The following CSGALNACT1 variants were observed in gnomAD, a reference collection of about 807,000 sequenced individuals.
CSGALNACT1 encodes the protein chondroitin sulfate N-acetylgalactosaminyltransferase 1.
In CSGALNACT1, 52 loss-of-function variants were observed where a neutral mutation model predicts 51.0. The observed-to-expected ratio is 1.02, with a 90% CI of 0.82 to 1.29. The LOEUF (loss-of-function observed/expected upper bound fraction) is 1.29, where lower values mean the gene tolerates loss of function less well. Among genes scored for constraint, CSGALNACT1 ranks in the 50% most tolerant of loss-of-function variants. CSGALNACT1 has a pLI of 0.00. For missense variants in CSGALNACT1, 935 were observed against 679.2 expected, an observed-to-expected ratio of 1.38 and a Z score of -4.19; for synonymous variants, 341 against 254.4, an observed-to-expected ratio of 1.34 and a Z score of -3.24.
chr8:19,720,708 T>C (rs923006328), intron 1 of CSGALNACT1, among the ~76,000 whole-genome samples: 1 of 152,164 alleles, frequency 6.6e-6, no homozygotes, highest in Non-Finnish European at 1.5e-5. Flanking sequence ...ACTTGCTTGT[T>C]CTCAGAGCCC....
chr8:19,470,643 T>C (rs572429042), intron 4 of CSGALNACT1, among the ~76,000 whole-genome samples: 1 of 151,950 alleles, frequency 6.6e-6, no homozygotes, highest in African/African-American at 2.4e-5. Context: ...CCTAGAAATG[T>C]AAGGGGATGA....
chr8:19,726,241 T>C (rs995033381), intron 1 of CSGALNACT1, among the ~76,000 whole-genome samples: 1 of 152,158 alleles, frequency 6.6e-6, no homozygotes, highest in African/African-American at 2.4e-5. Flanking sequence ...TTTAAAACAA[T>C]AATATATAGA....
chr8:19,488,396 T>TAC lies in CSGALNACT1; in HGVS notation c.634+16804_634+16805insGT, dbSNP rs1323778280. Among the ~76,000 whole-genome samples, 23 of 94,838 alleles carry TAC rather than the reference T, an allele frequency of 2.4e-4. No homozygotes were observed. The South Asian group carries it at 7.1e-3, about 29-fold the overall frequency. The allele number at this position is 94,838 out of a possible 152,430, so 62.2% of individuals were successfully genotyped here. ...ATATATATATATATATATATATATA[T>TAC]ATATATATATATATATATAGTTAGA... On this transcript the variant is annotated intron_variant, in intron 4 of 9. Coordinates refer to ENST00000454498, the Ensembl canonical transcript of CSGALNACT1.
chr8:19,493,199 C>T (rs2074753334), intron 4 of CSGALNACT1, among the ~76,000 whole-genome samples: 1 of 152,210 alleles, frequency 6.6e-6, no homozygotes, highest in East Asian at 1.9e-4. Flanking sequence ...CTCCCCCAAC[C>T]TTCTATTTCA....
intron 4 of CSGALNACT1, among the ~76,000 whole-genome samples, chr8:19,468,929 A>G (rs974786441): frequency 3.9e-5 from 6 of 152,142 alleles, no homozygotes; most frequent in African/African-American, 1.4e-4. Flanking sequence ...GGATATGCCA[A>G]ACCTTCAGGT....
intron 3 of CSGALNACT1, among the ~76,000 whole-genome samples, chr8:19,536,460 C>T (rs10095053): frequency 0.095 from 14,488 of 152,006 alleles, 730 homozygotes; most frequent in South Asian, 0.14. Context: ...ATAAATCTAA[C>T]AAGATATGTA....
chr8:19,621,039 A>T (rs2053760800), intron 1 of CSGALNACT1, among the ~76,000 whole-genome samples: 1 of 152,222 alleles, frequency 6.6e-6, no homozygotes, highest in South Asian at 2.1e-4. Flanking sequence ...CATTTTTACG[A>T]AAATGAAAAA....
At chr8:19,563,577 A>T (rs896068100) in intron 3 of CSGALNACT1, among the ~76,000 whole-genome samples, 1 of 152,142 alleles carries the variant, frequency 6.6e-6, no homozygotes, top group Non-Finnish European at 1.5e-5. Flanking sequence ...TCTGATGGTC[A>T]CCATCACCGC....
chr8:19,582,528 A>C (rs2045796333), intron 3 of CSGALNACT1, among the ~76,000 whole-genome samples: 1 of 152,166 alleles, frequency 6.6e-6, no homozygotes, highest in Admixed American at 6.5e-5. Flanking sequence ...GATACACATG[A>C]CTAAGAGCTG....
At chr8:19,410,202 T>C (rs1489116028) in intron 8 of CSGALNACT1, among the ~76,000 whole-genome samples, 2 of 152,194 alleles carry the variant, frequency 1.3e-5, no homozygotes, top group Non-Finnish European at 2.9e-5. Context: ...TTTCTGTTGC[T>C]TAAAGTTGTC....
intron 1 of CSGALNACT1, among the ~76,000 whole-genome samples, chr8:19,637,396 A>G (rs913929265): frequency 1.3e-5 from 2 of 152,184 alleles, no homozygotes; most frequent in South Asian, 2.1e-4. Context: ...ACTTGGGAAG[A>G]TTTTTATTTT....
At chr8:19,621,358 A>C (rs1368131987) in intron 1 of CSGALNACT1, among the ~76,000 whole-genome samples, 1 of 152,204 alleles carries the variant, frequency 6.6e-6, no homozygotes, top group East Asian at 1.9e-4. Context: ...ACACATCCTA[A>C]ATTTCATATA....
chr8:19,591,036 C>G (rs748284191), intron 3 of CSGALNACT1: 3 of 152,162 alleles, frequency 2.0e-5, no homozygotes, highest in African/African-American at 7.2e-5. Context: ...GCACCGTGAA[C>G]CAAGAACGGT....
chr8:19,674,447 G>A (rs568828925), intron 1 of CSGALNACT1, among the ~76,000 whole-genome samples: 1 of 152,250 alleles, frequency 6.6e-6, no homozygotes, highest in African/African-American at 2.4e-5. Flanking sequence ...ACGGAAGAAG[G>A]AAAAAGACCC....
intron 1 of CSGALNACT1, among the ~76,000 whole-genome samples, chr8:19,693,248 A>C (rs1263082061): frequency 6.6e-6 from 1 of 151,972 alleles, no homozygotes. Flanking sequence ...TATCTCCAGC[A>C]GTGGCCTTTT....
At chr8:19,610,115 C>T (rs2052006199) in intron 1 of CSGALNACT1, among the ~76,000 whole-genome samples, 1 of 150,906 alleles carries the variant, frequency 6.6e-6, no homozygotes, top group African/African-American at 2.5e-5. Flanking sequence ...CCAGCTAAAA[C>T]CCCGTCTCTA....
chr8:19,503,197 A>G (rs1355439054), intron 4 of CSGALNACT1, among the ~76,000 whole-genome samples: 1 of 152,250 alleles, frequency 6.6e-6, no homozygotes, highest in Non-Finnish European at 1.5e-5. Context: ...CTCATCAACG[A>G]AAACAGTTGA....
chr8:19,543,949 T>G (rs1037537891), intron 3 of CSGALNACT1, among the ~76,000 whole-genome samples: 2 of 152,200 alleles, frequency 1.3e-5, no homozygotes, highest in African/African-American at 4.8e-5. Flanking sequence ...ACGGTGCCAG[T>G]ATTAAATTCT....
intron 1 of CSGALNACT1, among the ~76,000 whole-genome samples, chr8:19,702,537 T>C (rs1307011630): frequency 6.6e-6 from 1 of 152,018 alleles, no homozygotes; most frequent in East Asian, 1.9e-4. Context: ...TTTTTTAAAA[T>C]TCAAATTCTT....
Sources: gnomAD v4.1 joint callset for allele counts (sites outside exome capture counted in the v4.1 genomes callset) on GRCh38, gnomAD v4.1.1 for gene constraint, MANE v1.5 for transcripts, NCBI Gene and HGNC (gene_info 2026-07-23, HGNC 2026-07-21) for gene names.